The following LTA4H variants were observed in gnomAD, a reference collection of about 807,000 sequenced individuals.
LTA4H encodes leukotriene A4 hydrolase.
In LTA4H, 59 loss-of-function variants were observed where a neutral mutation model predicts 89.8. The observed-to-expected ratio is 0.66, with a 90% confidence interval of 0.53 to 0.82. LTA4H has a LOEUF of 0.82. Ranked by LOEUF, LTA4H falls within the 40% of genes least tolerant of loss-of-function variation. The pLI, the probability that LTA4H is intolerant of heterozygous loss-of-function variation, is 0.00. For synonymous variants in LTA4H, 227 were observed against 253.1 expected, an observed-to-expected ratio of 0.90 and a Z score of 0.98; for missense variants, 617 against 727.0, an observed-to-expected ratio of 0.85 and a Z score of 1.74.
intron 8 of LTA4H, among the ~76,000 whole-genome samples, chr12:96,018,366 T>C (rs138197318): frequency 2.0e-5 from 3 of 152,142 alleles, no homozygotes; most frequent in Admixed American, 6.5e-5. Flanking sequence ...CTGGCCAATA[T>C]AGTGAAACCC....
intron 18 of LTA4H, among the ~76,000 whole-genome samples, chr12:96,001,515 C>G (rs1314621000): frequency 6.6e-6 from 1 of 152,110 alleles, no homozygotes; most frequent in Non-Finnish European, 1.5e-5. Context: ...CATCTCCTGG[C>G]TAAATATCAG....
Position 96,001,059 on chromosome 12 carries a change from T to G in LTA4H, c.1766A>C (p.Tyr589Ser). Residue 589 changes from tyrosine to serine, a missense_variant, in exon 19 of 19, where the codon TAC becomes TCC. Coordinates refer to ENST00000228740, the MANE Select transcript of LTA4H (RefSeq NM_000895.3). ...DKSHDQAVRT[Y>S]QEHKASMHPV... ...ATGCATGCTTGCTTTGTGCTCTTGG[T>G]AGGTTCGGACAGCTTGATCATGGGA... 6.2e-7 allele frequency: 1 copy of G among 1,614,010 alleles called. No individual in the cohort carries two copies. The highest frequency in any genetic ancestry group is 1.7e-4 in the Middle Eastern group (1 of 6,060).
At chr12:96,009,750 G>A (rs1262854701) in intron 14 of LTA4H, 15 of 152,290 alleles carry the variant, frequency 9.8e-5, no homozygotes, top group African/African-American at 3.1e-4. Flanking sequence ...ATCATATTTT[G>A]CAACAATGGG....
intron 14 of LTA4H, chr12:96,011,637 T>G (rs1027363421): frequency 6.6e-6 from 1 of 152,214 alleles, no homozygotes; most frequent in African/African-American, 2.4e-5. Context: ...TACATACATA[T>G]TTGCTCTGTG....
At chr12:96,025,271 T>C (rs1285435527) in intron 3 of LTA4H, 3 of 152,252 alleles carry the variant, frequency 2.0e-5, no homozygotes, top group African/African-American at 7.2e-5. Flanking sequence ...GAAACCTGTT[T>C]GATTTCTTAC....
intron 9 of LTA4H, 23 bp from the exon 10 acceptor site, chr12:96,017,137 T>A: frequency 6.7e-7 from 1 of 1,492,340 alleles, no homozygotes; most frequent in Non-Finnish European, 9.3e-7. Flanking sequence ...GTGTGATTAA[T>A]AGTAAGACTG....
intron 16 of LTA4H, among the ~76,000 whole-genome samples, chr12:96,005,680 AAG>A (rs1163949371): frequency 6.6e-6 from 1 of 152,146 alleles, no homozygotes; most frequent in Non-Finnish European, 1.5e-5. Flanking sequence ...CCCCAGTTGG[AAG>A]AGTCTTTCAC....
At chr12:96,039,392 A>T (rs1178282605), upstream of LTA4H, among the ~76,000 whole-genome samples, 7 of 152,208 alleles carry the variant, frequency 4.6e-5, no homozygotes, top group Non-Finnish European at 1.0e-4. Flanking sequence ...CACCTGGAAA[A>T]GTTACTTAAT....
intron 10 of LTA4H, 69 bp from the exon 11 acceptor site, chr12:96,015,763 T>G: frequency 9.1e-7 from 1 of 1,098,260 alleles, no homozygotes; most frequent in Non-Finnish European, 1.4e-6. Context: ...ATCAAGATAT[T>G]TTCTTTTTGG....
intron 1 of LTA4H, among the ~76,000 whole-genome samples, chr12:96,032,869 G>C (rs1200328840): frequency 1.3e-5 from 2 of 152,074 alleles, no homozygotes; most frequent in Non-Finnish European, 1.5e-5. Context: ...CTTACTTATA[G>C]AACAGAGATA....
At position 96,029,158 on chromosome 12, in the gene LTA4H, C is replaced by T. The variant is rs1322246946; in HGVS notation, c.187G>A (p.Glu63Lys). 1 of 1,567,452 alleles carries T rather than the reference C, an allele frequency of 6.4e-7. No individual in the cohort carries two copies. The highest frequency in any genetic ancestry group is 2.3e-5 in the East Asian group (1 of 43,944). ...LVLDTKDLTI[E>K]KVVINGQEVK... ...TCTTGTCCATTGATCACTACTTTTTCTATTGTAAGGTCCTTTGTATCCAAA... is the reference window on the plus strand; with the variant it reads ...TCTTGTCCATTGATCACTACTTTTTTTATTGTAAGGTCCTTTGTATCCAAA... Residue 63 changes from glutamate (E) to lysine (K), a missense_variant, in exon 2 of 19, where the codon GAA becomes AAA. Physicochemically the swap from Glu to Lys is moderately conservative, Grantham distance 56. This residue lies in a region of LTA4H where 155 missense variants were observed against 143.3 expected (regional missense o/e 1.08). Transcript: ENST00000228740.
chr12:96,012,834 A>G (rs1356405363), intron 14 of LTA4H: 1 of 188,398 alleles, frequency 5.3e-6, no homozygotes, highest in Non-Finnish European at 1.1e-5. Flanking sequence ...GCTAAACCTA[A>G]CTTACCTCCT....
At chr12:96,027,368 C>A in intron 3 of LTA4H, 76 bp downstream of exon 3, 1 of 1,316,810 alleles carries the variant, frequency 7.6e-7, no homozygotes, top group South Asian at 1.5e-5. Flanking sequence ...TCCATAAAAC[C>A]ACTGTTCATT....
Position 96,021,088 on chromosome 12 carries a change from C to T in LTA4H, c.635G>A (p.Ser212Asn). 1 of 1,600,134 alleles carries T rather than the reference C, an allele frequency of 6.2e-7. No individual in the cohort carries two copies. The highest frequency in any genetic ancestry group is 8.5e-7 in the Non-Finnish European group (1 of 1,175,896). Residue 212 changes from serine to asparagine, a missense_variant, in exon 6 of 19, where the codon AGC (serine) becomes AAC (asparagine). By Grantham distance (46) the Ser-to-Asn change is conservative. Coordinates refer to ENST00000228740, the MANE Select transcript of LTA4H (RefSeq NM_000895.3). Reference sequence around the variant, plus strand: ...GAAAATTTTTCCAAAAGCTCACCTGCTTTCTAAAGCTCCAACAACTAAAGC... The same window carrying T: ...GAAAATTTTTCCAAAAGCTCACCTGTTTTCTAAAGCTCCAACAACTAAAGC... The part of the protein sequence containing the change: ...LIALVVGALE[S>N]RQIGPRTLVW...
At chr12:96,003,591 TA>T (rs1950144677) in intron 17 of LTA4H, 2 of 285,704 alleles carry the variant, frequency 7.0e-6, no homozygotes, top group Non-Finnish European at 1.3e-5. Context: ...TCCTTCATTC[TA>T]ATTTTTTTTT....
upstream of LTA4H, among the ~76,000 whole-genome samples, chr12:96,037,546 ATTTGGTTGAAG>A (rs1435454894): frequency 6.6e-6 from 1 of 152,090 alleles, no homozygotes; most frequent in Non-Finnish European, 1.5e-5. Context: ...GACTGTCGTG[ATTTGGTTGAAG>A]ATGGAAGCCA....
At chr12:96,017,931 C>T (rs551740134) in intron 8 of LTA4H, among the ~76,000 whole-genome samples, 1 of 152,206 alleles carries the variant, frequency 6.6e-6, no homozygotes, top group East Asian at 1.9e-4. Context: ...TTTAATAAAA[C>T]TTTAGAGTGT....
At chr12:96,020,280 G>A (rs1950438941) in intron 6 of LTA4H, among the ~76,000 whole-genome samples, 1 of 152,136 alleles carries the variant, frequency 6.6e-6, no homozygotes, top group Non-Finnish European at 1.5e-5. Context: ...TATATAAGAA[G>A]AAACAAATAG....
intron 1 of LTA4H, among the ~76,000 whole-genome samples, chr12:96,034,147 C>A (rs868142713): frequency 6.6e-6 from 1 of 152,154 alleles, no homozygotes; most frequent in African/African-American, 2.4e-5. Flanking sequence ...GCCACCAATT[C>A]TTATCTGCCC....
Sources: allele counts gnomAD v4.1 joint callset (sites outside exome capture counted in the v4.1 genomes callset), GRCh38; gene constraint gnomAD v4.1.1; regional missense constraint gnomAD v4.1.1; transcripts MANE v1.5; gene names NCBI Gene and HGNC (gene_info 2026-07-23, HGNC 2026-07-21).